The following GREB1L variants were observed in gnomAD, a reference collection of about 807,000 sequenced individuals.
GREB1L encodes GREB1 like retinoic acid receptor coactivator.
In GREB1L, 17 loss-of-function variants were observed where a neutral mutation model predicts 200.8. The observed-to-expected ratio is 0.08, with a 90% CI of 0.06 to 0.13. The LOEUF (loss-of-function observed/expected upper bound fraction) is 0.13. GREB1L is among the 10% of genes least tolerant of loss of function. The probability of loss-of-function intolerance (pLI) is 1.00; values close to 1 mark genes in which losing one functional copy is unlikely to be tolerated. For missense variants in GREB1L, 1,657 were observed against 2,367.7 expected (o/e 0.70, Z 6.23); for synonymous variants, 789 against 893.0 (o/e 0.88, Z 2.08).
At chr18:21,478,915 T>C (rs950534519) in intron 17 of GREB1L, among the ~76,000 whole-genome samples, 1 of 152,196 alleles carries the variant, frequency 6.6e-6, no homozygotes, top group African/African-American at 2.4e-5. Context: ...AGAGTCTCGC[T>C]CTGTCACCCA....
chr18:21,489,968 C>A, intron 18 of GREB1L, 44 bp from the exon 19 acceptor site: 2 of 1,424,576 alleles, frequency 1.4e-6, no homozygotes, highest in Non-Finnish European at 1.9e-6. Flanking sequence ...CTGCTCCCAG[C>A]TGGCCCTGCT....
chr18:21,314,522 T>C (rs1453148300), intron 1 of GREB1L, among the ~76,000 whole-genome samples: 1 of 152,170 alleles, frequency 6.6e-6, no homozygotes, highest in African/African-American at 2.4e-5. Flanking sequence ...AGCAGGAACA[T>C]CAAAACAAGG....
At chr18:21,386,973 CTTAA>C (rs989407875) in intron 4 of GREB1L, among the ~76,000 whole-genome samples, 11 of 152,182 alleles carry the variant, frequency 7.2e-5, no homozygotes, top group African/African-American at 2.7e-4. Flanking sequence ...CCTCTATTTA[CTTAA>C]GGCTCAAAGA....
chr18:21,500,398 C>A, intron 22 of GREB1L, 92 bp downstream of exon 22: 1 of 816,500 alleles, frequency 1.2e-6, no homozygotes, highest in Non-Finnish European at 2.0e-6. Context: ...GGGGGTGGAG[C>A]AGGTGTGACA....
intron 17 of GREB1L, among the ~76,000 whole-genome samples, chr18:21,479,349 A>AGGCT (rs2035831549): frequency 6.6e-6 from 1 of 152,152 alleles, no homozygotes; most frequent in Non-Finnish European, 1.5e-5. Context: ...TTCTCCTACC[A>AGGCT]TGAAATAGAG....
At chr18:21,334,388 A>G (rs1188856256) in intron 1 of GREB1L, among the ~76,000 whole-genome samples, 1 of 152,198 alleles carries the variant, frequency 6.6e-6, no homozygotes, top group Non-Finnish European at 1.5e-5. Flanking sequence ...AGATGATAAA[A>G]CTAAAGTGAT....
intron 18 of GREB1L, among the ~76,000 whole-genome samples, chr18:21,488,289 C>T (rs2036203601): frequency 4.6e-5 from 7 of 152,172 alleles, no homozygotes; most frequent in Admixed American, 4.6e-4. Flanking sequence ...GAGCGGGACT[C>T]TGTCTCGAAA....
chr18:21,365,786 C>T (rs2039664485), intron 1 of GREB1L, among the ~76,000 whole-genome samples: 1 of 151,968 alleles, frequency 6.6e-6, no homozygotes, highest in African/African-American at 2.4e-5. Context: ...ATAAGAACAA[C>T]AGAAATTATC....
At chr18:21,325,286 A>G (rs1283610039) in intron 1 of GREB1L, among the ~76,000 whole-genome samples, 1 of 152,136 alleles carries the variant, frequency 6.6e-6, no homozygotes, top group Non-Finnish European at 1.5e-5. Context: ...GTTAGTTATA[A>G]TAAGTTGATC....
chr18:21,451,386 G>A, intron 13 of GREB1L: 2 of 316,820 alleles, frequency 6.3e-6, no homozygotes, highest in East Asian at 5.8e-5. Context: ...ACCTTGTTGA[G>A]TGACCTTGGG....
At chr18:21,438,078 C>T (rs191969625) in intron 7 of GREB1L, among the ~76,000 whole-genome samples, 1 of 151,792 alleles carries the variant, frequency 6.6e-6, no homozygotes, top group African/African-American at 2.4e-5. Context: ...CCCAGGAGTC[C>T]AAGACCAGCC....
At chr18:21,328,433 T>C (rs894892554) in intron 1 of GREB1L, among the ~76,000 whole-genome samples, 1 of 152,338 alleles carries the variant, frequency 6.6e-6, no homozygotes, top group South Asian at 2.1e-4. Context: ...GTGGTCCAGC[T>C]GAGCTGCATG....
intron 7 of GREB1L, among the ~76,000 whole-genome samples, chr18:21,412,161 G>T (rs917626347): frequency 6.6e-6 from 1 of 151,992 alleles, no homozygotes; most frequent in Non-Finnish European, 1.5e-5. Flanking sequence ...ACTTTGGGAG[G>T]CTGAGGCTGG....
chr18:21,477,202 A>G lies in GREB1L; in HGVS notation c.2402A>G (p.His801Arg), dbSNP rs1249297809. 1 of 1,552,118 alleles carries G rather than the reference A, an allele frequency of 6.4e-7. No homozygotes were observed. Reference sequence around the variant, plus strand: ...TCTTTGTCACATAGCGAACCCAGTCATGGGCTAGCTGATAGAGTCATTAAT... The same window carrying G: ...TCTTTGTCACATAGCGAACCCAGTCGTGGGCTAGCTGATAGAGTCATTAAT... ...SGSLSHSEPSHGLADRVINCR... is the reference protein window; with the variant it reads ...SGSLSHSEPSRGLADRVINCR... Residue 801 changes from histidine to arginine, a missense_variant, in exon 17 of 33, where the codon CAT becomes CGT. His to Arg is a conservative substitution (Grantham distance 29). Around this residue, in one of 9 missense-constraint regions of GREB1L, gnomAD observed 239 missense variants for 421.8 expected, o/e 0.57. Transcript: ENST00000424526.
chr18:21,248,081 A>C (rs981427748), intron 1 of GREB1L, among the ~76,000 whole-genome samples: 1 of 152,266 alleles, frequency 6.6e-6, no homozygotes, highest in African/African-American at 2.4e-5. Flanking sequence ...AATGAAAATT[A>C]GCTATTATTA....
chr18:21,407,715 CT>C (rs1384918746), intron 7 of GREB1L, among the ~76,000 whole-genome samples: 1 of 151,948 alleles, frequency 6.6e-6, no homozygotes, highest in African/African-American at 2.4e-5. Context: ...AAATTCAAAA[CT>C]TTTACACTTC....
intron 7 of GREB1L, among the ~76,000 whole-genome samples, chr18:21,421,207 A>G (rs2032118790): frequency 6.6e-6 from 1 of 152,186 alleles, no homozygotes; most frequent in Admixed American, 6.5e-5. Context: ...TGATGATTTC[A>G]TGTGTATGTA....
chr18:21,333,542 G>T (rs2039138771), intron 1 of GREB1L, among the ~76,000 whole-genome samples: 1 of 151,962 alleles, frequency 6.6e-6, no homozygotes, highest in South Asian at 2.1e-4. Context: ...GGGTGTGGTG[G>T]CAGGTGCCTG....
chr18:21,504,071 CT>C (rs2036915503), intron 23 of GREB1L, among the ~76,000 whole-genome samples: 13 of 147,420 alleles, frequency 8.8e-5, no homozygotes, highest in Admixed American at 8.2e-4. Flanking sequence ...AGTAGCTGGA[CT>C]ACAGGCATGT....
Sources: allele counts gnomAD v4.1 joint callset (sites outside exome capture counted in the v4.1 genomes callset), GRCh38; gene constraint gnomAD v4.1.1; regional missense constraint gnomAD v4.1.1; transcripts MANE v1.5; gene names NCBI Gene and HGNC (gene_info 2026-07-23, HGNC 2026-07-21).